Variants in GPAT4 observed in about 807,000 individuals in gnomAD.
GPAT4 encodes the protein 1-AGP acyltransferase 6.
In GPAT4, 17 loss-of-function variants were observed where a neutral mutation model predicts 58.0. The ratio of observed to expected loss-of-function variants is 0.29; its 90% CI spans 0.20 to 0.44. The LOEUF (loss-of-function observed/expected upper bound fraction) is 0.44. GPAT4 is among the 20% of genes least tolerant of loss of function. The pLI is 1.00. For missense variants in GPAT4, 377 were observed against 574.5 expected, an observed-to-expected ratio of 0.66 and a Z score of 3.51; for synonymous variants, 204 against 210.1, an observed-to-expected ratio of 0.97 and a Z score of 0.25.
At chr8:41,601,145 A>G (rs1315199777) in intron 2 of GPAT4, among the ~76,000 whole-genome samples, 1 of 151,632 alleles carries the variant, frequency 6.6e-6, no homozygotes, top group Non-Finnish European at 1.5e-5. Flanking sequence ...TTGCTTAAGG[A>G]TGGACTTGGG....
intron 8 of GPAT4, among the ~76,000 whole-genome samples, 172 bp downstream of exon 8, chr8:41,613,132 C>T (rs866249158): frequency 6.6e-6 from 1 of 152,174 alleles, no homozygotes; most frequent in Non-Finnish European, 1.5e-5. Context: ...TGTGGTGGCT[C>T]ATGCCTGTAA....
chr8:41,604,623 G>C (rs1373286366), intron 2 of GPAT4, among the ~76,000 whole-genome samples: 2 of 152,196 alleles, frequency 1.3e-5, no homozygotes, highest in Non-Finnish European at 2.9e-5. Context: ...AGAAAGCCTG[G>C]ATGTAAAGGA....
intron 12 of GPAT4, 185 bp downstream of exon 12, chr8:41,619,162 AT>A: frequency 4.4e-6 from 3 of 681,878 alleles, no homozygotes; most frequent in Non-Finnish European, 7.4e-6. Flanking sequence ...GGGAACCTGG[AT>A]CAGGGATGCC....
intron 2 of GPAT4, among the ~76,000 whole-genome samples, chr8:41,603,252 C>T (rs566386367): frequency 6.6e-6 from 1 of 152,168 alleles, no homozygotes; most frequent in South Asian, 2.1e-4. Context: ...TGGGGCTGGG[C>T]GCAGTGGCTC....
Position 41,624,521 on chromosome 8 carries a change from G to C in GPAT4, c.*3520G>C, listed in dbSNP as rs536964929. On this transcript the variant is annotated 3_prime_UTR_variant, in exon 13 of 13. Coordinates refer to ENST00000396987, the MANE Select transcript of GPAT4 (RefSeq NM_178819.4). ...ATGTCATAGGTCCCACCTGCCTGCT[G>C]TGCATCCCGGGTGGCCAGACTCGGC... The C allele has an allele frequency of 8.5e-5, 13 of 152,198 alleles. No homozygotes were observed. The highest frequency in any genetic ancestry group is 3.9e-4 in the Admixed American group (6 of 15,272). The allele number at this position is 152,198 out of a possible 1,614,324, so 9.4% of individuals were successfully genotyped here.
chr8:41,581,296 CCACA>C (rs1802501626), intron 1 of GPAT4, among the ~76,000 whole-genome samples: 1 of 152,162 alleles, frequency 6.6e-6, no homozygotes, highest in South Asian at 2.1e-4. Context: ...CGTACACATG[CCACA>C]CAAACACAGA....
chr8:41,610,578 T>C lies in GPAT4; in HGVS notation c.537-158T>C, dbSNP rs542805907. The C allele has an allele frequency of 1.1e-5, 17 of 1,522,984 alleles. No individual in the cohort carries two copies. In the East Asian group the frequency reaches 3.8e-4, roughly 34 times the overall value. 94.3% of individuals were successfully genotyped at this position (1,522,984 alleles called of 1,614,324 possible). A position where few individuals can be genotyped will look rare whatever the true frequency, so the allele number is the denominator to read the frequency against. On this transcript the variant is annotated intron_variant, in intron 4 of 12. Coordinates refer to ENST00000396987, the MANE Select transcript of GPAT4 (RefSeq NM_178819.4). The stretch of plus-strand genomic sequence containing the variant: ...GAATCAAAAGGATCTCTGGTTCTGA[T>C]AGGCCTGCTTACATTTCTAGGTGAA...
Position 41,618,902 on chromosome 8 carries a change from A to G in GPAT4, c.1187A>G (p.Asp396Gly). The G allele has an allele frequency of 3.1e-6, 5 of 1,614,200 alleles. No individual in the cohort carries two copies. The highest frequency in any genetic ancestry group is 4.2e-6 in the Non-Finnish European group (5 of 1,180,040). The change falls in exon 12 of 13, where the codon GAT (aspartate) becomes GGT (glycine). Residue 396 changes from aspartate (D) to glycine (G), a missense_variant. By Grantham distance (94) the Asp-to-Gly change is moderately conservative (BLOSUM62 -1). Transcript: ENST00000396987. ...CTCATTTGTTCTTTCTTACAGGCAGATGAAGATGCTGTCCAGTTTGCGAAT... is the reference window on the plus strand; with the variant it reads ...CTCATTTGTTCTTTCTTACAGGCAGGTGAAGATGCTGTCCAGTTTGCGAAT... ...WYLPPMTREADEDAVQFANRV... is the reference protein window; with the variant it reads ...WYLPPMTREAGEDAVQFANRV...
Position 41,611,841 on chromosome 8 carries a change from G to A in GPAT4, c.612-62G>A. On this transcript the variant is annotated intron_variant, in intron 5 of 12. Transcript: ENST00000396987. Reference sequence around the variant, plus strand: ...AAGGACTGCTGAGCTGTTGAAGTCAGTAACTCTTTCTGTCTTCCTGTATGT... The same window carrying A: ...AAGGACTGCTGAGCTGTTGAAGTCAATAACTCTTTCTGTCTTCCTGTATGT... The A allele has an allele frequency of 2.6e-6, 4 of 1,523,972 alleles. No individual in the cohort carries two copies. In the South Asian group the frequency reaches 4.5e-5, roughly 17 times the overall value. The allele number at this position is 1,523,972 out of a possible 1,614,324, so 94.4% of individuals were successfully genotyped here.
chr8:41,578,871 GA>G (rs957019340), intron 1 of GPAT4, among the ~76,000 whole-genome samples: 2 of 152,214 alleles, frequency 1.3e-5, no homozygotes, highest in African/African-American at 4.8e-5. Flanking sequence ...ACAGAGGGCT[GA>G]AGTTTAGCTG....
chr8:41,615,460 G>C (rs1803571445), intron 10 of GPAT4, among the ~76,000 whole-genome samples: 1 of 151,160 alleles, frequency 6.6e-6, no homozygotes, highest in African/African-American at 2.4e-5. Flanking sequence ...TTGGGGGGGG[G>C]GTCATTACTC....
Position 41,612,943 on chromosome 8 carries a change from C to G in GPAT4, c.894C>G (p.Arg298=). 1 of 1,614,094 alleles carries G rather than the reference C, an allele frequency of 6.2e-7. No individual in the cohort carries two copies. The highest frequency in any genetic ancestry group is 8.5e-7 in the Non-Finnish European group (1 of 1,179,976). The change falls in exon 8 of 13, where the codon CGC becomes CGG. Residue 298 remains arginine, a synonymous_variant. Coordinates refer to ENST00000396987, the MANE Select transcript of GPAT4 (RefSeq NM_178819.4). ...VWFERSEVKD[R]HLVAKRLTEH... is the part of the protein sequence containing the mutation. ...TTGAGCGCTCGGAAGTGAAGGATCG[C>G]CACCTGGTGGCTAAGAGGTAATGGA...
At chr8:41,619,132 C>G in intron 12 of GPAT4, 155 bp downstream of exon 12, 1 of 870,726 alleles carries the variant, frequency 1.1e-6, no homozygotes. Context: ...CCAGAAGTGC[C>G]CTGTGCTTCC....
intron 2 of GPAT4, among the ~76,000 whole-genome samples, chr8:41,605,636 G>A (rs1410747048): frequency 3.9e-5 from 6 of 152,198 alleles, no homozygotes; most frequent in African/African-American, 1.4e-4. Context: ...GTGCAGTGGC[G>A]CAATCTTGGC....
chr8:41,612,364 C>G, intron 7 of GPAT4, 91 bp downstream of exon 7: 2 of 1,281,308 alleles, frequency 1.6e-6, no homozygotes, highest in Non-Finnish European at 2.2e-6. Flanking sequence ...CACATAAACA[C>G]ATTTATGCGT....
intron 2 of GPAT4, among the ~76,000 whole-genome samples, chr8:41,607,232 TC>T (rs1803302120): frequency 6.6e-6 from 1 of 152,094 alleles, no homozygotes; most frequent in Admixed American, 6.5e-5. Context: ...TCTCCTCTTT[TC>T]CCCTGCCCTT....
intron 1 of GPAT4, among the ~76,000 whole-genome samples, chr8:41,582,304 G>A (rs189086851): frequency 8.3e-4 from 126 of 152,124 alleles, no homozygotes; most frequent in South Asian, 2.5e-3. Flanking sequence ...GCACGTGGCC[G>A]AAGCTGAATG....
At chr8:41,615,239 A>G (rs954224483) in intron 10 of GPAT4, among the ~76,000 whole-genome samples, 191 bp downstream of exon 10, 7 of 152,132 alleles carry the variant, frequency 4.6e-5, no homozygotes, top group Non-Finnish European at 1.5e-5. Context: ...ACCCCTTAGA[A>G]GGGCCTGGGG....
At chr8:41,620,082 A>G (rs549667619) in intron 12 of GPAT4, among the ~76,000 whole-genome samples, 1 of 152,356 alleles carries the variant, frequency 6.6e-6, no homozygotes, top group South Asian at 2.1e-4. Flanking sequence ...CTTCTGCCCC[A>G]TGTTCCCATC....
Sources: allele counts gnomAD v4.1 joint callset (sites outside exome capture counted in the v4.1 genomes callset), GRCh38; gene constraint gnomAD v4.1.1; transcripts MANE v1.5; gene names NCBI Gene and HGNC (gene_info 2026-07-23, HGNC 2026-07-21).